Variants in ARB2A observed in about 807,000 individuals in gnomAD.
ARB2A encodes the protein ARB2 cotranscriptional regulator A, also known as cotranscriptional regulator ARB2A.
chr5:94,011,092 G>A, the ARB2A span, among the ~76,000 whole-genome samples: 1 of 152,164 alleles, frequency 6.6e-6, no homozygotes, highest in Admixed American at 6.6e-5. Flanking sequence ...ATCTCCATGT[G>A]ACTAAATCTA....
the ARB2A span, chr5:93,738,992 T>C: frequency 6.6e-6 from 1 of 152,156 alleles, no homozygotes; most frequent in Non-Finnish European, 1.5e-5. Context: ...TACAGTCTCA[T>C]GAAGAAAAGA....
At chr5:94,006,906 A>C in the ARB2A span, among the ~76,000 whole-genome samples, 1 of 152,238 alleles carries the variant, frequency 6.6e-6, no homozygotes, top group African/African-American at 2.4e-5. Flanking sequence ...GCTATTTCAA[A>C]ATTACAACTA....
At chr5:93,781,611 T>C in the ARB2A span, among the ~76,000 whole-genome samples, 11 of 152,068 alleles carry the variant, frequency 7.2e-5, no homozygotes, top group Admixed American at 3.3e-4. Flanking sequence ...GAAATCTCCA[T>C]ACTGTTTTCC....
the ARB2A span, among the ~76,000 whole-genome samples, chr5:93,797,513 G>C: frequency 3.3e-5 from 5 of 152,060 alleles, no homozygotes; most frequent in Non-Finnish European, 7.4e-5. Flanking sequence ...CACACCTTTT[G>C]TTAAGTAGCC....
At chr5:93,668,361 T>C in the ARB2A span, among the ~76,000 whole-genome samples, 168 of 152,252 alleles carry the variant, frequency 1.1e-3, no homozygotes, top group African/African-American at 3.9e-3. Context: ...CAACTCAGCC[T>C]CCAAAAAGTG....
the ARB2A span, among the ~76,000 whole-genome samples, chr5:93,789,108 T>C: frequency 1.3e-5 from 2 of 152,222 alleles, no homozygotes; most frequent in Non-Finnish European, 2.9e-5. Context: ...GTTTCAAATG[T>C]GTTTTTGAAA....
At chr5:93,869,239 C>T in the ARB2A span, among the ~76,000 whole-genome samples, 1 of 152,168 alleles carries the variant, frequency 6.6e-6, no homozygotes, top group Non-Finnish European at 1.5e-5. Context: ...GACAGAGGGC[C>T]TTAAGTTGCC....
the ARB2A span, among the ~76,000 whole-genome samples, chr5:94,097,759 C>T: frequency 6.6e-6 from 1 of 152,026 alleles, no homozygotes; most frequent in African/African-American, 2.4e-5. Flanking sequence ...TCAGCACACA[C>T]CCGCCCACAG....
the ARB2A span, among the ~76,000 whole-genome samples, chr5:93,671,882 T>C: frequency 5.9e-5 from 9 of 151,998 alleles, no homozygotes; most frequent in Non-Finnish European, 1.2e-4. Flanking sequence ...TGAAGAAAAA[T>C]AGAAATGTTA....
At chr5:93,716,009 T>C in the ARB2A span, among the ~76,000 whole-genome samples, 1 of 152,152 alleles carries the variant, frequency 6.6e-6, no homozygotes, top group African/African-American at 2.4e-5. Flanking sequence ...ACATTAGCAT[T>C]TCTAAGAAAC....
chr5:94,081,030 T>A, the ARB2A span, among the ~76,000 whole-genome samples: 1 of 152,192 alleles, frequency 6.6e-6, no homozygotes, highest in South Asian at 2.1e-4. Flanking sequence ...GTGGGCAGAT[T>A]ATATAAGTAT....
the ARB2A span, among the ~76,000 whole-genome samples, chr5:93,819,873 G>C: frequency 6.6e-6 from 1 of 152,226 alleles, no homozygotes; most frequent in African/African-American, 2.4e-5. Context: ...AGCCCAGCAT[G>C]GAACAATGGC....
the ARB2A span, among the ~76,000 whole-genome samples, chr5:93,857,917 C>G: frequency 1.3e-5 from 2 of 152,166 alleles, no homozygotes; most frequent in African/African-American, 4.8e-5. Flanking sequence ...TGTTCCTATT[C>G]GGCCATCTTG....
the ARB2A span, among the ~76,000 whole-genome samples, chr5:93,949,425 G>A: frequency 1.3e-5 from 2 of 152,108 alleles, no homozygotes; most frequent in South Asian, 4.2e-4. Context: ...GCTGGGCGTG[G>A]TGGCACACGC....
the ARB2A span, among the ~76,000 whole-genome samples, chr5:94,015,546 C>A: frequency 1.1e-4 from 16 of 152,196 alleles, no homozygotes; most frequent in Admixed American, 3.9e-4. Flanking sequence ...ACTCATAATT[C>A]TAGTATGAAG....
the ARB2A span, among the ~76,000 whole-genome samples, chr5:93,975,261 G>A: frequency 7.0e-6 from 1 of 143,750 alleles, no homozygotes; most frequent in Non-Finnish European, 1.5e-5. Flanking sequence ...AGCTTGCAGT[G>A]ATCCGAGATC....
At chr5:93,958,309 C>T in the ARB2A span, among the ~76,000 whole-genome samples, 2 of 152,160 alleles carry the variant, frequency 1.3e-5, no homozygotes, top group African/African-American at 4.8e-5. Context: ...GTTATTCCAA[C>T]TCTTCCTTTA....
At chr5:93,969,318 C>T in the ARB2A span, among the ~76,000 whole-genome samples, 1 of 151,940 alleles carries the variant, frequency 6.6e-6, no homozygotes, top group East Asian at 1.9e-4. Flanking sequence ...TTATAAGGTA[C>T]TTGTACTACA....
At chr5:94,088,608 G>A in the ARB2A span, among the ~76,000 whole-genome samples, 4 of 152,202 alleles carry the variant, frequency 2.6e-5, no homozygotes, top group East Asian at 3.9e-4. Flanking sequence ...GGAGTTTGAC[G>A]TTACACTGAG....
Sources: allele counts gnomAD v4.1 joint callset (sites outside exome capture counted in the v4.1 genomes callset), GRCh38; gene constraint gnomAD v4.1.1; transcripts MANE v1.5; gene names NCBI Gene and HGNC (gene_info 2026-07-23, HGNC 2026-07-21).